The following ANKS1B variants were observed in gnomAD, a reference collection of about 807,000 sequenced individuals.
ANKS1B encodes ankyrin repeat and sterile alpha motif domain-containing protein 1B.
A neutral mutation model predicts 148.3 loss-of-function variants in ANKS1B; 36 were observed. The observed-to-expected ratio is 0.24, with a 90% CI of 0.19 to 0.32. The LOEUF (loss-of-function observed/expected upper bound fraction) is 0.32. Ranked by LOEUF, ANKS1B falls within the 10% of genes least tolerant of loss-of-function variation. The pLI, the probability that ANKS1B is intolerant of heterozygous loss-of-function variation, is 1.00. For missense variants in ANKS1B, 1,157 were observed against 1,542.6 expected (o/e 0.75, Z 4.19); for synonymous variants, 542 against 560.8 (o/e 0.97, Z 0.47).
chr12:99,202,973 C>G (rs887428811), intron 14 of ANKS1B, among the ~76,000 whole-genome samples: 2 of 152,172 alleles, frequency 1.3e-5, no homozygotes, highest in Non-Finnish European at 2.9e-5. Context: ...TCAAGAGTTC[C>G]AAGACTTGTT....
At chr12:99,966,689 G>A (rs566046261) in intron 1 of ANKS1B, among the ~76,000 whole-genome samples, 23 of 152,262 alleles carry the variant, frequency 1.5e-4, no homozygotes, top group African/African-American at 5.5e-4. Flanking sequence ...CATACTAAAT[G>A]CATAGTGTAC....
chr12:99,548,692 A>G (rs2097192119), intron 9 of ANKS1B, among the ~76,000 whole-genome samples: 1 of 152,182 alleles, frequency 6.6e-6, no homozygotes, highest in African/African-American at 2.4e-5. Context: ...TTGAAAAAGA[A>G]AAACAATAAG....
At chr12:99,763,022 G>C (rs2062295985) in intron 8 of ANKS1B, among the ~76,000 whole-genome samples, 1 of 151,982 alleles carries the variant, frequency 6.6e-6, no homozygotes, top group Non-Finnish European at 1.5e-5. Flanking sequence ...TGTAGAAAAG[G>C]GATCGCTTAA....
chr12:98,861,623 T>C (rs2099599634), intron 17 of ANKS1B, among the ~76,000 whole-genome samples: 1 of 152,230 alleles, frequency 6.6e-6, no homozygotes, highest in Non-Finnish European at 1.5e-5. Flanking sequence ...AAGCCCACAA[T>C]AATCATCTTA....
At chr12:99,889,583 A>T (rs11110087) in intron 1 of ANKS1B, among the ~76,000 whole-genome samples, 1 of 152,024 alleles carries the variant, frequency 6.6e-6, no homozygotes, top group Non-Finnish European at 1.5e-5. Flanking sequence ...CATTTTAAAA[A>T]CTCATTTTCC....
intron 1 of ANKS1B, among the ~76,000 whole-genome samples, chr12:99,828,636 T>C (rs1485210690): frequency 6.6e-6 from 1 of 152,096 alleles, no homozygotes; most frequent in African/African-American, 2.4e-5. Flanking sequence ...ATCATCTCAA[T>C]ATTAGAAAAG....
intron 14 of ANKS1B, among the ~76,000 whole-genome samples, chr12:99,191,905 G>A (rs182527049): frequency 3.3e-5 from 5 of 152,116 alleles, no homozygotes; most frequent in East Asian, 1.9e-4. Context: ...AGGCCAAGGC[G>A]GGCAGATCAC....
intron 1 of ANKS1B, among the ~76,000 whole-genome samples, chr12:99,877,982 C>T (rs75976887): frequency 0.015 from 2,221 of 152,186 alleles, 62 homozygotes; most frequent in African/African-American, 0.051. Flanking sequence ...GTCATTTGAG[C>T]CCAGGAAGTG....
intron 9 of ANKS1B, among the ~76,000 whole-genome samples, chr12:99,624,853 T>C (rs140255323): frequency 0.015 from 2,238 of 152,198 alleles, 18 homozygotes; most frequent in Non-Finnish European, 0.024. Context: ...CTCAAAGAAC[T>C]AAAAATAGAG....
At chr12:99,771,417 G>A (rs1353607012) in intron 8 of ANKS1B, among the ~76,000 whole-genome samples, 1 of 151,990 alleles carries the variant, frequency 6.6e-6, no homozygotes, top group East Asian at 1.9e-4. Flanking sequence ...CAAGTAGAAG[G>A]CCAGAAGCTG....
intron 17 of ANKS1B, among the ~76,000 whole-genome samples, chr12:98,959,057 G>C (rs1180939880): frequency 1.3e-5 from 2 of 152,074 alleles, no homozygotes; most frequent in African/African-American, 4.8e-5. Context: ...ACAGTGAACT[G>C]ACAAAAAAGT....
intron 1 of ANKS1B, among the ~76,000 whole-genome samples, chr12:99,896,018 T>G (rs1011718938): frequency 4.0e-5 from 6 of 151,476 alleles, no homozygotes; most frequent in Middle Eastern, 3.4e-3. Context: ...TATATACACA[T>G]AGTGAAATGA....
chr12:98,935,479 C>T (rs956983617), intron 17 of ANKS1B, among the ~76,000 whole-genome samples: 2 of 152,212 alleles, frequency 1.3e-5, no homozygotes, highest in Non-Finnish European at 2.9e-5. Flanking sequence ...CAGCATAATG[C>T]TGGTCTCATA....
At chr12:99,578,407 G>A (rs183069471) in intron 9 of ANKS1B, among the ~76,000 whole-genome samples, 4 of 152,186 alleles carry the variant, frequency 2.6e-5, no homozygotes, top group Non-Finnish European at 5.9e-5. Context: ...AAAAGGAGAG[G>A]AAGTCAAACT....
intron 14 of ANKS1B, among the ~76,000 whole-genome samples, chr12:99,186,418 C>T (rs934020022): frequency 8.5e-5 from 13 of 152,172 alleles, no homozygotes; most frequent in African/African-American, 3.1e-4. Flanking sequence ...TTAAGTGGGT[C>T]CCTGACACCC....
At chr12:99,037,086 G>A (rs879713718) in intron 17 of ANKS1B, among the ~76,000 whole-genome samples, 1 of 152,190 alleles carries the variant, frequency 6.6e-6, no homozygotes, top group Admixed American at 6.5e-5. Context: ...CTAGGGCTAT[G>A]CAAATACTAG....
At chr12:99,434,313 C>T (rs1265467279) in intron 11 of ANKS1B, among the ~76,000 whole-genome samples, 2 of 152,028 alleles carry the variant, frequency 1.3e-5, no homozygotes, top group Non-Finnish European at 2.9e-5. Context: ...TTTTATTTTG[C>T]AAGGAAATTT....
intron 17 of ANKS1B, chr12:99,049,114 T>C (rs898958377): frequency 5.3e-5 from 8 of 152,248 alleles, no homozygotes; most frequent in Admixed American, 2.6e-4. Flanking sequence ...CTCCCTGGTA[T>C]GGAAATATGA....
intron 1 of ANKS1B, among the ~76,000 whole-genome samples, chr12:99,843,584 AT>A (rs1296245053): frequency 6.6e-6 from 1 of 151,912 alleles, no homozygotes; most frequent in Non-Finnish European, 1.5e-5. Context: ...AAAGGACATG[AT>A]TTTTTTCCTT....
Sources: gnomAD v4.1 joint callset for allele counts (sites outside exome capture counted in the v4.1 genomes callset) on GRCh38, gnomAD v4.1.1 for gene constraint, MANE v1.5 for transcripts, NCBI Gene and HGNC (gene_info 2026-07-23, HGNC 2026-07-21) for gene names.